The following INTS11 variants were observed in gnomAD, a reference collection of about 807,000 sequenced individuals.
INTS11 encodes integrator complex subunit 11.
Under a neutral mutation model 78.6 loss-of-function variants are expected in INTS11, and 77 were observed. The observed-to-expected ratio is 0.98, with a 90% CI of 0.81 to 1.18. The LOEUF (loss-of-function observed/expected upper bound fraction) is 1.18, where lower values mean the gene tolerates loss of function less well. INTS11 is among the 50% of genes most tolerant of loss of function. The probability of loss-of-function intolerance (pLI) is 0.00; values close to 1 mark genes in which losing one functional copy is unlikely to be tolerated. For synonymous variants in INTS11, 441 were observed against 326.9 expected (o/e 1.35, Z -3.77); for missense variants, 875 against 825.9 (o/e 1.06, Z -0.73).
In INTS11 at chr1:1,324,631, C is replaced by T. The variant is rs1280199861; in HGVS notation, c.-23G>A. ...CATCGTCTCCGCCGCGCTCCCGGAC[C>T]CGCGAGGCCCGCCTGCGGTGATGCA... On this transcript the variant is annotated 5_prime_UTR_variant, in exon 1 of 17. Transcript: ENST00000435064. 1.3e-6 allele frequency: 2 copies of T among 1,598,386 alleles called. No individual in the cohort carries two copies. Among genetic ancestry groups the T allele is most frequent in the Non-Finnish European group, 1.7e-6 (2 of 1,174,368 alleles).
In INTS11 at chr1:1,314,821, T is replaced by C. The variant is rs545146495; in HGVS notation, c.702+3A>G. 1 of 1,609,014 alleles carries C rather than the reference T, an allele frequency of 6.2e-7. No homozygotes were observed. The highest frequency in any genetic ancestry group is 8.5e-7 in the Non-Finnish European group (1 of 1,176,952). ...CCCATGTCCCCACCCCTGCTGCAGC[T>C]ACCTTCCCACCACGCTCCACGGTCT... On this transcript the variant is annotated splice_donor_region_variant and intron_variant, in intron 7 of 16. Transcript: ENST00000435064. The surrounding 1 kb of genome is among the most constrained non-coding windows in gnomAD (Gnocchi z 4.2).
At chr1:1,324,553 C>T in intron 1 of INTS11, 28 bp downstream of exon 1, 1 of 1,589,760 alleles carries the variant, frequency 6.3e-7, no homozygotes, top group Non-Finnish European at 8.5e-7. Flanking sequence ...GAGCCCACCC[C>T]ACAGCCCTCC....
Position 1,314,356 on chromosome 1 carries a change from G to C in INTS11, c.712C>G (p.Pro238Ala). The change falls in exon 8 of 17, where the codon CCT becomes GCT. Residue 238 changes from proline to alanine, a missense_variant. Physicochemically the swap from Pro to Ala is conservative, Grantham distance 27. Coordinates refer to ENST00000435064, the MANE Select transcript of INTS11 (RefSeq NM_017871.6). The surrounding 1 kb of genome is among the most constrained non-coding windows in gnomAD (Gnocchi z 4.2). ...TVERGGKVLI[P>A]VFALGRAQEL... Reference sequence around the variant, plus strand: ...TGGGCGCGGCCCAGCGCGAACACAGGTATCAGCACCTGAGGGGGACACAAG... The same window carrying C: ...TGGGCGCGGCCCAGCGCGAACACAGCTATCAGCACCTGAGGGGGACACAAG... 1 of 1,607,240 alleles carries C rather than the reference G, an allele frequency of 6.2e-7. No individual in the cohort carries two copies. The highest frequency in any genetic ancestry group is 8.5e-7 in the Non-Finnish European group (1 of 1,177,522).
In INTS11 at chr1:1,312,615, C is replaced by T. The variant is rs1479841784; in HGVS notation, c.1380G>A (p.Leu460=). Residue 460 remains leucine, a synonymous_variant, in exon 13 of 17, where the codon CTG becomes CTA. Transcript: ENST00000435064. ...PSIPVGISLG[L]LKREMAQGLL... is the part of the protein sequence containing the mutation. ...TACCCTGCGCCATCTCCCGCTTCAG[C>T]AGCCCCAGCGAGATGCCTACGGGGA... The T allele has an allele frequency of 6.3e-7, 1 of 1,576,836 alleles. No homozygotes were observed. Among genetic ancestry groups the T allele is most frequent in the Non-Finnish European group, 8.6e-7 (1 of 1,156,976 alleles).
chr1:1,322,040 G>A, intron 1 of INTS11: 2 of 1,167,982 alleles, frequency 1.7e-6, no homozygotes, highest in Non-Finnish European at 2.2e-6. Context: ...GCCCCCGCTG[G>A]GTGTGAGCTC....
rs558498490 is a variant in INTS11 at position 1,314,260 on chromosome 1, G to C, written c.767+41C>G. 3.2e-6 allele frequency: 5 copies of C among 1,539,094 alleles called. No homozygotes were observed. Among genetic ancestry groups the C allele is most frequent in the Non-Finnish European group, 4.4e-6 (5 of 1,133,902 alleles). On this transcript the variant is annotated intron_variant, in intron 8 of 16. Coordinates refer to ENST00000435064, the MANE Select transcript of INTS11 (RefSeq NM_017871.6). This position sits in a 1 kb window ranked among gnomAD's most constrained non-coding sequence, Gnocchi z 4.2. ...CCACCAACTGGACTGTGTTCAGGCC[G>C]GGCCAGGGGCTCCTTAAAGAGCCGT... is the stretch of plus-strand genomic sequence containing the variant.
In INTS11 at chr1:1,312,458, G is replaced by A; in HGVS notation, c.1446C>T (p.Thr482=). 1.3e-6 allele frequency: 2 copies of A among 1,572,978 alleles called. No individual in the cohort carries two copies. The highest frequency in any genetic ancestry group is 1.2e-5 in the South Asian group (1 of 86,332). The part of the protein sequence containing the change: ...EAKKPRLLHG[T]LIMKDSNFRL... Reference sequence around the variant, plus strand: ...CACTCACGCTGTCCTTCATGATCAGGGTGCCGTGCAGGAGCCGAGGCTTCT... The same window carrying A: ...CACTCACGCTGTCCTTCATGATCAGAGTGCCGTGCAGGAGCCGAGGCTTCT... The change falls in exon 14 of 17, where the codon ACC becomes ACT. Residue 482 remains threonine (T), a synonymous_variant. Transcript: ENST00000435064.
Position 1,312,913 on chromosome 1 carries a change from T to C in INTS11, c.1168A>G (p.Ser390Gly), listed in dbSNP as rs770091293. The change falls in exon 12 of 17, where the codon AGC becomes GGC. Residue 390 changes from serine to glycine, a missense_variant. By Grantham distance (56) the Ser-to-Gly change is moderately conservative. Coordinates refer to ENST00000435064, the MANE Select transcript of INTS11 (RefSeq NM_017871.6). ...ATGCCCTTGGCGTCCGCGTGTGCGC[T>C]GAATGACATGTACTCCACCTGCATC... The part of the protein sequence containing the change: ...VKMQVEYMSF[S>G]AHADAKGIMQ... 4.3e-6 allele frequency: 7 copies of C among 1,612,378 alleles called. No homozygotes were observed. The highest frequency in any genetic ancestry group is 3.3e-5 in the Admixed American group (2 of 60,012).
intron 4 of INTS11, chr1:1,318,747 C>A (rs1396947244): frequency 1.9e-6 from 1 of 528,060 alleles, no homozygotes; most frequent in Non-Finnish European, 3.5e-6. Context: ...TACATAGGTA[C>A]CTAATATAGT....
chr1:1,314,269 G>A lies in INTS11; in HGVS notation c.767+32C>T. 6.4e-7 allele frequency: 1 copy of A among 1,559,568 alleles called. No individual in the cohort carries two copies. The highest frequency in any genetic ancestry group is 1.2e-5 in the South Asian group (1 of 85,230). ...GGACTGTGTTCAGGCCGGGCCAGGG[G>A]CTCCTTAAAGAGCCGTCCTGGCGGC... On this transcript the variant is annotated intron_variant, in intron 8 of 16. Coordinates refer to ENST00000435064, the MANE Select transcript of INTS11 (RefSeq NM_017871.6). The surrounding 1 kb of genome is among the most constrained non-coding windows in gnomAD (Gnocchi z 4.2).
In INTS11 at chr1:1,315,689, A is replaced by ACGGGAAGCGCGGGAGG. The variant is rs1642540935; in HGVS notation, c.430-87_430-72dup. ...GGGCGGGGAGTGAGGGAGGCGGGGGACGGGAAGCGCGGGAGGCGGGGGTGG... is the reference window on the plus strand; with the variant it reads ...GGGCGGGGAGTGAGGGAGGCGGGGGACGGGAAGCGCGGGAGGCGGGAAGCGCGGGAGGCGGGGGTGG... On this transcript the variant is annotated intron_variant, in intron 4 of 16. Transcript: ENST00000435064. The ACGGGAAGCGCGGGAGG allele has an allele frequency of 8.4e-6, 3 of 358,140 alleles. No individual in the cohort carries two copies. The Admixed American group carries it at 1.1e-4, about 14-fold the overall frequency. The allele number at this position is 358,140 out of a possible 1,614,324, so 22.2% of individuals were successfully genotyped here.
intron 1 of INTS11, chr1:1,323,232 C>G (rs1400279372): frequency 1.3e-6 from 2 of 1,550,292 alleles, no homozygotes; most frequent in South Asian, 2.4e-5. Context: ...TGGAAGGTGC[C>G]CTCGACCCCC....
chr1:1,322,987 G>T, intron 1 of INTS11: 1 of 1,382,438 alleles, frequency 7.2e-7, no homozygotes, highest in South Asian at 1.7e-5. Flanking sequence ...CAGAGAGTGG[G>T]CAGAACAGGC....
chr1:1,314,237 ACC>A lies in INTS11; in HGVS notation c.767+62_767+63del, dbSNP rs1381734811. ...ACCGCTACGCTGGACAGGGCTGCCC[ACC>A]AACTGGACTGTGTTCAGGCCGGGCC... On this transcript the variant is annotated intron_variant, in intron 8 of 16. Transcript: ENST00000435064. The surrounding 1 kb of genome is among the most constrained non-coding windows in gnomAD (Gnocchi z 4.2). The A allele has an allele frequency of 2.0e-5, 29 of 1,444,724 alleles. No homozygotes were observed. The highest frequency in any genetic ancestry group is 1.8e-5 in the Non-Finnish European group (19 of 1,050,098). The allele number at this position is 1,444,724 out of a possible 1,614,324, so 89.5% of individuals were successfully genotyped here. A position where few individuals can be genotyped will look rare whatever the true frequency, so the allele number is the denominator to read the frequency against.
At chr1:1,315,690 C>G in intron 4 of INTS11, 72 bp from the exon 5 acceptor site, 1 of 171,918 alleles carries the variant, frequency 5.8e-6, no homozygotes, top group Non-Finnish European at 1.2e-5. Flanking sequence ...AGGCGGGGGA[C>G]GGGAAGCGCG....
intron 10 of INTS11, 182 bp from the exon 11 acceptor site, chr1:1,313,306 G>A: frequency 5.6e-6 from 5 of 885,974 alleles, no homozygotes; most frequent in Non-Finnish European, 5.3e-6. Flanking sequence ...GGGCTGGGCT[G>A]GGGCTGTTCT....
intron 2 of INTS11, 81 bp from the exon 3 acceptor site, chr1:1,320,610 C>A: frequency 7.1e-7 from 1 of 1,416,454 alleles, no homozygotes; most frequent in Non-Finnish European, 1.0e-6. Flanking sequence ...GGGAGGGGCC[C>A]CCAGGAAGGG....
chr1:1,318,330 G>A (rs1331556676), intron 4 of INTS11, among the ~76,000 whole-genome samples: 3 of 152,136 alleles, frequency 2.0e-5, no homozygotes, highest in Non-Finnish European at 2.9e-5. Context: ...GTGTTACCAG[G>A]CATTAGAAAT....
At chr1:1,311,966 G>C (rs1267039458) in intron 16 of INTS11, 42 bp from the exon 17 acceptor site, 1 of 1,596,078 alleles carries the variant, frequency 6.3e-7, no homozygotes, top group African/African-American at 1.3e-5. Context: ...GCAGGACAGG[G>C]AGGAATGTTG....
Sources: gnomAD v4.1 joint callset for allele counts (sites outside exome capture counted in the v4.1 genomes callset) on GRCh38, gnomAD v4.1.1 for gene constraint, Gnocchi (gnomAD v3.1) non-coding constraint, MANE v1.5 for transcripts, NCBI Gene and HGNC (gene_info 2026-07-23, HGNC 2026-07-21) for gene names.